Variants in DOK6 observed in about 807,000 individuals in gnomAD.
DOK6 encodes the protein docking protein 6.
Under a neutral mutation model 44.0 loss-of-function variants are expected in DOK6, and 22 were observed. The ratio of observed to expected loss-of-function variants is 0.50; its 90% CI spans 0.36 to 0.71. The LOEUF is 0.71. Ranked by LOEUF, DOK6 falls within the 30% of genes least tolerant of loss-of-function variation. DOK6 has a pLI of 0.00. For missense variants in DOK6, 340 were observed against 416.4 expected, an observed-to-expected ratio of 0.82 and a Z score of 1.60; for synonymous variants, 166 against 145.5, an observed-to-expected ratio of 1.14 and a Z score of -1.01.
intron 1 of DOK6, among the ~76,000 whole-genome samples, chr18:69,484,576 G>C (rs1980519998): frequency 6.6e-6 from 1 of 152,106 alleles, no homozygotes; most frequent in Admixed American, 6.6e-5. Context: ...ATACAGGGTT[G>C]GGTTCTCAGA....
intron 4 of DOK6, among the ~76,000 whole-genome samples, chr18:69,682,123 A>G (rs555378377): frequency 9.2e-5 from 14 of 152,356 alleles, no homozygotes; most frequent in Non-Finnish European, 2.1e-4. Context: ...CCTGGTTGCT[A>G]TGGTAAACAT....
Position 69,828,882 on chromosome 18 carries a change from G to GTATA in DOK6, c.857-12361_857-12360insATAT, listed in dbSNP as rs1475499795. On this transcript the variant is annotated intron_variant, in intron 7 of 7. Transcript: ENST00000382713. Reference sequence around the variant, plus strand: ...CCATTATTAATAGCAATACATTTATGTGTATATATATATATATAGTATGTA... The same window carrying GTATA: ...CCATTATTAATAGCAATACATTTATGTATATGTATATATATATATATAGTATGTA... 1.2e-4 allele frequency among the ~76,000 whole-genome samples: 3 copies of GTATA among 25,114 alleles called. 1 individual carries two copies. The highest frequency in any genetic ancestry group is 1.4e-3 in the Admixed American group (2 of 1,428). 16.5% of individuals were successfully genotyped at this position (25,114 alleles called of 152,430 possible). A position where few individuals can be genotyped will look rare whatever the true frequency, so the allele number is the denominator to read the frequency against.
chr18:69,416,081 GGAGGAAGGGAGA>G (rs1454516618), intron 1 of DOK6, among the ~76,000 whole-genome samples: 1 of 147,828 alleles, frequency 6.8e-6, no homozygotes, highest in African/African-American at 2.5e-5. Flanking sequence ...AGGAAAGGAG[GGAGGAAGGGAGA>G]GAGGGAGGGA....
chr18:69,683,975 T>C (rs59681257), intron 4 of DOK6, among the ~76,000 whole-genome samples: 24,539 of 152,158 alleles, frequency 0.16, 2,364 homozygotes, highest in South Asian at 0.28. Flanking sequence ...TATTTACAAA[T>C]GCTGATATAA....
At chr18:69,536,280 C>A (rs72963596) in intron 1 of DOK6, among the ~76,000 whole-genome samples, 20,052 of 152,080 alleles carry the variant, frequency 0.13, 1,628 homozygotes, top group South Asian at 0.29. Context: ...TGACTTGGTA[C>A]ATATTAAATC....
chr18:69,841,506 A>G lies in DOK6; in HGVS notation c.*123A>G. The G allele has an allele frequency of 7.4e-7, 1 of 1,344,070 alleles. No homozygotes were observed. The highest frequency in any genetic ancestry group is 9.9e-7 in the Non-Finnish European group (1 of 1,012,684). 83.3% of individuals were successfully genotyped at this position (1,344,070 alleles called of 1,614,324 possible). On this transcript the variant is annotated 3_prime_UTR_variant, in exon 8 of 8. Coordinates refer to ENST00000382713, the MANE Select transcript of DOK6 (RefSeq NM_152721.6). The stretch of plus-strand genomic sequence containing the variant: ...ATTGAAATGGGTCGGCTCTAGCCCC[A>G]GTCCCATTGGAAGGTTAAAAACTGG...
chr18:69,662,882 G>C (rs1367739308), intron 3 of DOK6: 1 of 152,200 alleles, frequency 6.6e-6, no homozygotes, highest in African/African-American at 2.4e-5. Context: ...TTAAGCAATA[G>C]GATGGATCCA....
chr18:69,760,786 A>C (rs1192030858), intron 7 of DOK6, among the ~76,000 whole-genome samples: 2 of 76,264 alleles, frequency 2.6e-5, no homozygotes, highest in Non-Finnish European at 6.4e-5. Context: ...GATCAGTTTC[A>C]GGTGTTTTCT....
chr18:69,471,585 GT>G (rs200220326), intron 1 of DOK6: 32,419 of 143,748 alleles, frequency 0.23, 3,858 homozygotes, highest in Admixed American at 0.28. Flanking sequence ...GGGTTTTTTT[GT>G]TTTTTTTTTT....
At chr18:69,488,298 G>C (rs1243817164) in intron 1 of DOK6, among the ~76,000 whole-genome samples, 1 of 152,100 alleles carries the variant, frequency 6.6e-6, no homozygotes, top group Non-Finnish European at 1.5e-5. Context: ...ATTGGGAACT[G>C]AGGTTTCAAC....
intron 1 of DOK6, among the ~76,000 whole-genome samples, chr18:69,555,033 A>T (rs1982653850): frequency 6.6e-6 from 1 of 152,104 alleles, no homozygotes; most frequent in South Asian, 2.1e-4. Context: ...TTTAACAGTT[A>T]CGTGTGTGGC....
chr18:69,704,957 A>C (rs1986602464), intron 5 of DOK6: 1 of 152,168 alleles, frequency 6.6e-6, no homozygotes, highest in Non-Finnish European at 1.5e-5. Flanking sequence ...GGTCCTGGTA[A>C]TTCTGAATTG....
chr18:69,438,947 C>T (rs1370757372), intron 1 of DOK6, among the ~76,000 whole-genome samples: 5 of 152,108 alleles, frequency 3.3e-5, no homozygotes, highest in African/African-American at 4.8e-5. Context: ...TAGCACACGC[C>T]TGTAGTTCCA....
At chr18:69,497,381 T>A (rs1980921249) in intron 1 of DOK6, among the ~76,000 whole-genome samples, 1 of 152,106 alleles carries the variant, frequency 6.6e-6, no homozygotes, top group African/African-American at 2.4e-5. Flanking sequence ...CCCCAATCTC[T>A]GGAAACACCC....
At chr18:69,554,387 T>C (rs1982638884) in intron 1 of DOK6, among the ~76,000 whole-genome samples, 1 of 152,202 alleles carries the variant, frequency 6.6e-6, no homozygotes. Flanking sequence ...AACAGTGTAG[T>C]TGAGTTTTGG....
At chr18:69,802,709 T>C (rs1980938741) in intron 7 of DOK6, among the ~76,000 whole-genome samples, 1 of 152,184 alleles carries the variant, frequency 6.6e-6, no homozygotes, top group African/African-American at 2.4e-5. Flanking sequence ...TCTCACCATG[T>C]GATATGCTGG....
At chr18:69,733,498 T>C (rs977007697) in intron 5 of DOK6, among the ~76,000 whole-genome samples, 1 of 152,208 alleles carries the variant, frequency 6.6e-6, no homozygotes, top group Non-Finnish European at 1.5e-5. Context: ...CTAGTTAACA[T>C]ATGCATCACC....
At chr18:69,818,680 G>A (rs1981474895) in intron 7 of DOK6, among the ~76,000 whole-genome samples, 2 of 152,130 alleles carry the variant, frequency 1.3e-5, no homozygotes, top group South Asian at 4.1e-4. Context: ...TGAATAACTG[G>A]GGCTGTAGCC....
At chr18:69,540,583 G>A (rs1345856327) in intron 1 of DOK6, among the ~76,000 whole-genome samples, 1 of 151,886 alleles carries the variant, frequency 6.6e-6, no homozygotes, top group African/African-American at 2.4e-5. Flanking sequence ...CCCTTTGGTG[G>A]GTTTCAACAT....
Sources: allele counts gnomAD v4.1 joint callset (sites outside exome capture counted in the v4.1 genomes callset), GRCh38; gene constraint gnomAD v4.1.1; transcripts MANE v1.5; gene names NCBI Gene and HGNC (gene_info 2026-07-23, HGNC 2026-07-21).